ATXN7L1: variants seen among roughly 807,000 people sequenced by gnomAD.
ATXN7L1 encodes the protein ataxin-7-like protein 1.
In ATXN7L1, 15 loss-of-function variants were observed where a neutral mutation model predicts 70.8. That is an observed-to-expected ratio of 0.21 (90% CI 0.14 to 0.33). ATXN7L1 has a LOEUF of 0.33. ATXN7L1 is among the 10% of genes least tolerant of loss of function. The probability of loss-of-function intolerance (pLI) is 1.00; values close to 1 mark genes in which losing one functional copy is unlikely to be tolerated. For missense variants in ATXN7L1, 975 were observed against 1,097.1 expected (o/e 0.89, Z 1.57); for synonymous variants, 440 against 445.1 (o/e 0.99, Z 0.14).
At chr7:105,619,688 A>G (rs947419590) in intron 9 of ATXN7L1, among the ~76,000 whole-genome samples, 3 of 150,374 alleles carry the variant, frequency 2.0e-5, no homozygotes, top group African/African-American at 7.4e-5. Flanking sequence ...AGTAGCTAGG[A>G]TCATAAGTGT....
intron 3 of ATXN7L1, among the ~76,000 whole-genome samples, chr7:105,785,170 C>T (rs562719677): frequency 4.3e-4 from 65 of 152,322 alleles, no homozygotes; most frequent in African/African-American, 1.5e-3. Context: ...AGATTACATG[C>T]TCAAAGCGAT....
chr7:105,767,079 G>C (rs1244283316), intron 3 of ATXN7L1, among the ~76,000 whole-genome samples: 2 of 152,214 alleles, frequency 1.3e-5, no homozygotes, highest in Non-Finnish European at 2.9e-5. Context: ...TTCCCGTGTT[G>C]AGGCAGACAG....
chr7:105,791,264 T>C (rs1369788326), intron 2 of ATXN7L1, among the ~76,000 whole-genome samples: 2 of 152,214 alleles, frequency 1.3e-5, no homozygotes, highest in Admixed American at 1.3e-4. Flanking sequence ...CAGGCCCAAC[T>C]GTATTTTAAA....
chr7:105,785,177 C>T (rs1320803551), intron 3 of ATXN7L1, among the ~76,000 whole-genome samples: 1 of 152,140 alleles, frequency 6.6e-6, no homozygotes, highest in Non-Finnish European at 1.5e-5. Flanking sequence ...ATGCTCAAAG[C>T]GATGGAGGCT....
intron 3 of ATXN7L1, among the ~76,000 whole-genome samples, chr7:105,703,305 C>CAAAA: frequency 7.9e-6 from 1 of 126,682 alleles, no homozygotes; most frequent in Non-Finnish European, 1.7e-5. Context: ...AACTCCGTCT[C>CAAAA]AAAAAAAAAA....
intron 2 of ATXN7L1, among the ~76,000 whole-genome samples, chr7:105,868,937 A>G (rs1169047987): frequency 1.3e-5 from 2 of 152,146 alleles, no homozygotes; most frequent in South Asian, 2.1e-4. Flanking sequence ...ACAGAGCCAC[A>G]TTTCTTCCAC....
intron 4 of ATXN7L1, among the ~76,000 whole-genome samples, chr7:105,660,730 GCA>G (rs2116038858): frequency 6.6e-6 from 1 of 151,718 alleles, no homozygotes; most frequent in Admixed American, 6.6e-5. Context: ...TTACAGGTGC[GCA>G]CCACCACACC....
At chr7:105,682,443 T>C (rs11975353) in intron 3 of ATXN7L1, among the ~76,000 whole-genome samples, 8,664 of 152,294 alleles carry the variant, frequency 0.057, 278 homozygotes, top group South Asian at 0.079. Context: ...TCCAAAGGAA[T>C]TGAAAACAGA....
Position 105,606,335 on chromosome 7 carries a change from G to A in ATXN7L1, c.*1517C>T, listed in dbSNP as rs1792764938. 1 of 152,128 alleles carries A rather than the reference G, an allele frequency of 6.6e-6. No individual in the cohort carries two copies. Among genetic ancestry groups the A allele is most frequent in the African/African-American group, 2.4e-5 (1 of 41,420 alleles). The allele number at this position is 152,128 out of a possible 1,614,324, so 9.4% of individuals were successfully genotyped here. A position where few individuals can be genotyped will look rare whatever the true frequency, so the allele number is the denominator to read the frequency against. The stretch of plus-strand genomic sequence containing the variant: ...CCGTCTTTGCAATTCCAATTGTGTG[G>A]TGAAACTTAACAGTAGTCTGATCTT... On this transcript the variant is annotated 3_prime_UTR_variant, in exon 12 of 12. Coordinates refer to ENST00000419735, the MANE Select transcript of ATXN7L1 (RefSeq NM_020725.2).
At chr7:105,761,485 T>C (rs754863738) in intron 3 of ATXN7L1, 2 of 1,613,900 alleles carry the variant, frequency 1.2e-6, no homozygotes, top group East Asian at 2.2e-5. Flanking sequence ...AAATGCTTTG[T>C]TGGCATTTGC....
chr7:105,853,439 A>G (rs1221672743), intron 2 of ATXN7L1, among the ~76,000 whole-genome samples: 1 of 152,148 alleles, frequency 6.6e-6, no homozygotes, highest in African/African-American at 2.4e-5. Context: ...CTATAATCCC[A>G]GCTACTTCGG....
intron 3 of ATXN7L1, among the ~76,000 whole-genome samples, chr7:105,726,583 T>C (rs1188815187): frequency 2.6e-5 from 4 of 152,134 alleles, no homozygotes; most frequent in African/African-American, 9.7e-5. Flanking sequence ...AAATGGCAAA[T>C]GACAGGTGAG....
Position 105,665,142 on chromosome 7 carries a change from G to T in ATXN7L1, c.502C>A (p.Pro168Thr). 1 of 1,551,728 alleles carries T rather than the reference G, an allele frequency of 6.4e-7. No individual in the cohort carries two copies. Among genetic ancestry groups the T allele is most frequent in the South Asian group, 1.2e-5 (1 of 84,060 alleles). Reference protein sequence around the residue: ...ASSTSKPFKTPKDNLLTSSSK... With the variant: ...ASSTSKPFKTTKDNLLTSSSK... ...CTGGAGGTAAGTAGATTGTCTTTGG[G>T]CGTTTTGAATGGCTTTGAGGTGCTG... Residue 168 changes from proline to threonine, a missense_variant, in exon 4 of 12, where the codon CCC becomes ACC. This residue lies in a region of ATXN7L1 where 192 missense variants were observed against 215.5 expected (regional missense o/e 0.89). Transcript: ENST00000419735.
intron 3 of ATXN7L1, among the ~76,000 whole-genome samples, chr7:105,721,515 C>T (rs1185805282): frequency 6.6e-6 from 1 of 152,202 alleles, no homozygotes; most frequent in Non-Finnish European, 1.5e-5. Flanking sequence ...CTGCATCCCG[C>T]CCTTACAGAT....
intron 3 of ATXN7L1, among the ~76,000 whole-genome samples, chr7:105,785,677 G>A (rs1804199878): frequency 6.6e-6 from 1 of 152,160 alleles, no homozygotes; most frequent in Non-Finnish European, 1.5e-5. Flanking sequence ...GCAATGTGAT[G>A]GTATACGGAG....
chr7:105,624,281 C>G lies in ATXN7L1; in HGVS notation c.1203-14G>C. On this transcript the variant is annotated splice_polypyrimidine_tract_variant and intron_variant, in intron 7 of 11. Coordinates refer to ENST00000419735, the MANE Select transcript of ATXN7L1 (RefSeq NM_020725.2). ...GCAGATGATGGTCTAAGGGCAAGAGCGGAGAACAAACAAAATAAACCAAAT... is the reference window on the plus strand; with the variant it reads ...GCAGATGATGGTCTAAGGGCAAGAGGGGAGAACAAACAAAATAAACCAAAT... The G allele has an allele frequency of 7.3e-7, 1 of 1,360,918 alleles. No individual in the cohort carries two copies. Among genetic ancestry groups the G allele is most frequent in the Non-Finnish European group, 9.6e-7 (1 of 1,042,144 alleles). The allele number at this position is 1,360,918 out of a possible 1,614,324, so 84.3% of individuals were successfully genotyped here.
At chr7:105,813,046 C>T (rs1213660318) in intron 2 of ATXN7L1, among the ~76,000 whole-genome samples, 1 of 152,140 alleles carries the variant, frequency 6.6e-6, no homozygotes, top group Non-Finnish European at 1.5e-5. Context: ...ACAACCCCAC[C>T]ACCAAAACAA....
chr7:105,866,748 T>G (rs1817537477), intron 2 of ATXN7L1, among the ~76,000 whole-genome samples: 1 of 152,224 alleles, frequency 6.6e-6, no homozygotes, highest in African/African-American at 2.4e-5. Flanking sequence ...TTGCCATTCC[T>G]ACAATATTCT....
intron 3 of ATXN7L1, among the ~76,000 whole-genome samples, chr7:105,737,512 T>C (rs929067940): frequency 1.3e-5 from 2 of 151,326 alleles, no homozygotes; most frequent in Non-Finnish European, 2.9e-5. Context: ...TCTAGCATGC[T>C]GCCTACTAAC....
Sources: allele counts gnomAD v4.1 joint callset (sites outside exome capture counted in the v4.1 genomes callset), GRCh38; gene constraint gnomAD v4.1.1; regional missense constraint gnomAD v4.1.1; transcripts MANE v1.5; gene names NCBI Gene and HGNC (gene_info 2026-07-23, HGNC 2026-07-21).